The following STK33 variants were observed in gnomAD, a reference collection of about 807,000 sequenced individuals.
STK33 encodes serine/threonine-protein kinase 33.
Under a neutral mutation model 58.0 loss-of-function variants are expected in STK33, and 52 were observed. That is an observed-to-expected ratio of 0.90 (90% CI 0.72 to 1.13). STK33 has a LOEUF of 1.13. Among genes scored for constraint, STK33 ranks in the 50% most tolerant of loss-of-function variants. The pLI, the probability that STK33 is intolerant of heterozygous loss-of-function variation, is 0.00. For synonymous variants in STK33, 215 were observed against 200.1 expected, an observed-to-expected ratio of 1.07 and a Z score of -0.63; for missense variants, 630 against 604.2, an observed-to-expected ratio of 1.04 and a Z score of -0.45.
intron 14 of STK33, among the ~76,000 whole-genome samples, chr11:8,414,413 C>A (rs1940808972): frequency 6.6e-6 from 1 of 151,984 alleles, no homozygotes; most frequent in African/African-American, 2.4e-5. Flanking sequence ...TTTGTTCTTA[C>A]CTCATACTGT....
At chr11:8,367,622 C>CAA in the STK33 span, among the ~76,000 whole-genome samples, 2 of 152,188 alleles carry the variant, frequency 1.3e-5, no homozygotes, top group African/African-American at 2.4e-5. Context: ...AGATGCTTTT[C>CAA]AAACACAATG....
At chr11:8,445,049 C>T (rs1945253227) in intron 11 of STK33, among the ~76,000 whole-genome samples, 1 of 152,192 alleles carries the variant, frequency 6.6e-6, no homozygotes, top group Non-Finnish European at 1.5e-5. Context: ...TTTGTGTCCT[C>T]TCTTATTTCC....
chr11:8,404,894 A>C (rs1023839650), intron 15 of STK33, among the ~76,000 whole-genome samples: 1 of 152,236 alleles, frequency 6.6e-6, no homozygotes, highest in African/African-American at 2.4e-5. Flanking sequence ...TAATCCCAGC[A>C]CTTTGGGAGG....
chr11:8,424,868 A>G (rs1159627038), intron 14 of STK33, among the ~76,000 whole-genome samples: 2 of 139,982 alleles, frequency 1.4e-5, no homozygotes, highest in African/African-American at 5.7e-5. Flanking sequence ...TGAGTTCATT[A>G]TAGATTCTGG....
At position 8,392,470 on chromosome 11, in the gene STK33, A is replaced by G; in HGVS notation, c.*40T>C. Reference sequence around the variant, plus strand: ...ACCCCCTCATCAAAGTGCTAACAAGAGCAGCTTTGTTTTTGTACTGTCCAA... The same window carrying G: ...ACCCCCTCATCAAAGTGCTAACAAGGGCAGCTTTGTTTTTGTACTGTCCAA... On this transcript the variant is annotated 3_prime_UTR_variant, in exon 16 of 16. Coordinates refer to ENST00000687296, the MANE Select transcript of STK33 (RefSeq NM_001352389.2). 6.2e-7 allele frequency: 1 copy of G among 1,609,382 alleles called. No homozygotes were observed. Among genetic ancestry groups the G allele is most frequent in the Non-Finnish European group, 8.5e-7 (1 of 1,177,140 alleles).
At chr11:8,585,222 ATT>A (rs34448251) in intron 1 of STK33, among the ~76,000 whole-genome samples, 10 of 89,332 alleles carry the variant, frequency 1.1e-4, no homozygotes, top group African/African-American at 3.9e-4. Context: ...TGCACCCAGC[ATT>A]TTTTTTTTTT....
chr11:8,365,135 T>A, the STK33 span, among the ~76,000 whole-genome samples: 2 of 152,196 alleles, frequency 1.3e-5, no homozygotes, highest in Non-Finnish European at 2.9e-5. Context: ...GGGACGTGTC[T>A]GAGGTCACAC....
At chr11:8,362,922 C>CT in the STK33 span, among the ~76,000 whole-genome samples, 1 of 128,596 alleles carries the variant, frequency 7.8e-6, no homozygotes, top group East Asian at 2.2e-4. Flanking sequence ...TCCTTCCTCC[C>CT]TCCTTTCCTT....
intron 1 of STK33, among the ~76,000 whole-genome samples, chr11:8,482,264 G>A (rs1202522294): frequency 2.0e-5 from 3 of 152,238 alleles, no homozygotes; most frequent in East Asian, 3.9e-4. Flanking sequence ...GAGTGCATGT[G>A]GCACCAGAAC....
At chr11:8,385,750 A>G in the STK33 span, among the ~76,000 whole-genome samples, 3 of 150,986 alleles carry the variant, frequency 2.0e-5, no homozygotes, top group Non-Finnish European at 1.5e-5. Context: ...TATTTCTTGA[A>G]TGAATGACTG....
chr11:8,549,315 G>A (rs1336414873), intron 1 of STK33, among the ~76,000 whole-genome samples: 3 of 152,140 alleles, frequency 2.0e-5, no homozygotes, highest in Non-Finnish European at 4.4e-5. Flanking sequence ...CATCCCTGGT[G>A]TAAATCACAC....
At chr11:8,430,010 A>C (rs1943230101) in intron 14 of STK33, among the ~76,000 whole-genome samples, 1 of 152,188 alleles carries the variant, frequency 6.6e-6, no homozygotes, top group Non-Finnish European at 1.5e-5. Flanking sequence ...TAACGCTCCA[A>C]GGGTGAGAGG....
chr11:8,482,581 T>C (rs1039738023), intron 1 of STK33, among the ~76,000 whole-genome samples: 39 of 152,230 alleles, frequency 2.6e-4, no homozygotes, highest in Non-Finnish European at 2.5e-4. Context: ...GCCCAGGAAG[T>C]AACATGATCC....
At chr11:8,347,959 A>G in the STK33 span, among the ~76,000 whole-genome samples, 55 of 152,112 alleles carry the variant, frequency 3.6e-4, 1 homozygote, top group Admixed American at 3.2e-3. Flanking sequence ...CATCCTGCCT[A>G]ACACCTGTAG....
chr11:8,586,713 A>G (rs1382817345), intron 1 of STK33, among the ~76,000 whole-genome samples: 3 of 151,024 alleles, frequency 2.0e-5, no homozygotes, highest in African/African-American at 7.3e-5. Flanking sequence ...AATCCCAGTA[A>G]CTCGGGAGGC....
intron 1 of STK33, among the ~76,000 whole-genome samples, chr11:8,516,505 A>C (rs1011013159): frequency 6.6e-6 from 1 of 152,200 alleles, no homozygotes; most frequent in Non-Finnish European, 1.5e-5. Context: ...TGTCAGACAG[A>C]GGGTGCAGCC....
At chr11:8,544,856 G>A (rs568868267) in intron 1 of STK33, among the ~76,000 whole-genome samples, 1 of 152,138 alleles carries the variant, frequency 6.6e-6, no homozygotes, top group Non-Finnish European at 1.5e-5. Flanking sequence ...GTTGTCCTTA[G>A]AGACAAATGT....
chr11:8,399,641 T>G (rs575189272), intron 15 of STK33, among the ~76,000 whole-genome samples: 2 of 151,834 alleles, frequency 1.3e-5, no homozygotes, highest in African/African-American at 4.8e-5. Context: ...AGGAAAAAGA[T>G]ACACAAAAAA....
Position 8,541,922 on chromosome 11 carries a change from T to C in STK33, c.-466+52161A>G, listed in dbSNP as rs183730436. On this transcript the variant is annotated intron_variant, in intron 1 of 15. Transcript: ENST00000687296. Reference sequence around the variant, plus strand: ...AAGCTTTGAATGAATTTTCAGACTATGTTTCACATCTCTCATAACTTCAGA... The same window carrying C: ...AAGCTTTGAATGAATTTTCAGACTACGTTTCACATCTCTCATAACTTCAGA... Among the ~76,000 whole-genome samples, 643 of 152,302 alleles carry C rather than the reference T, an allele frequency of 4.2e-3. 3 individuals carry two copies. The highest frequency in any genetic ancestry group is 0.015 in the African/African-American group (613 of 41,566).
Sources: gnomAD v4.1 joint callset for allele counts (sites outside exome capture counted in the v4.1 genomes callset) on GRCh38, gnomAD v4.1.1 for gene constraint, MANE v1.5 for transcripts, NCBI Gene and HGNC (gene_info 2026-07-23, HGNC 2026-07-21) for gene names.